Variants in KLHL29 observed in about 807,000 individuals in gnomAD.
KLHL29 encodes kelch-like protein 29.
A neutral mutation model predicts 80.4 loss-of-function variants in KLHL29; 21 were observed. That is an observed-to-expected ratio of 0.26 (90% CI 0.19 to 0.38). KLHL29 has a LOEUF of 0.38. Ranked by LOEUF, KLHL29 falls within the 10% of genes least tolerant of loss-of-function variation. The pLI is 1.00. For synonymous variants in KLHL29, 511 were observed against 526.8 expected (o/e 0.97, Z 0.41); for missense variants, 867 against 1,223.9 (o/e 0.71, Z 4.35).
intron 3 of KLHL29, among the ~76,000 whole-genome samples, chr2:23,619,891 A>G (rs1436810123): frequency 1.3e-5 from 2 of 152,168 alleles, no homozygotes; most frequent in African/African-American, 4.8e-5. Context: ...TCTGTCCTCC[A>G]AGGAATTCAT....
intron 2 of KLHL29, among the ~76,000 whole-genome samples, chr2:23,518,526 G>A (rs773497103): frequency 1.2e-4 from 18 of 152,094 alleles, no homozygotes; most frequent in Non-Finnish European, 2.2e-4. Context: ...TGCTACTTCC[G>A]TGGCCTAGAA....
intron 2 of KLHL29, among the ~76,000 whole-genome samples, chr2:23,477,972 G>C (rs538247307): frequency 6.6e-6 from 1 of 152,088 alleles, no homozygotes. Context: ...TCTCTTGTTC[G>C]TCCTGAGCTC....
chr2:23,504,242 G>T (rs1184701176), intron 2 of KLHL29, among the ~76,000 whole-genome samples: 1 of 152,190 alleles, frequency 6.6e-6, no homozygotes, highest in African/African-American at 2.4e-5. Flanking sequence ...ATTAATATTT[G>T]TGCTTAAAGA....
At chr2:23,566,839 C>T (rs750524090) in intron 3 of KLHL29, among the ~76,000 whole-genome samples, 3 of 152,310 alleles carry the variant, frequency 2.0e-5, no homozygotes, top group South Asian at 4.1e-4. Flanking sequence ...GGTAAGCACT[C>T]GATAAAAGTT....
chr2:23,479,263 C>A (rs1220559714), intron 2 of KLHL29, among the ~76,000 whole-genome samples: 6 of 151,764 alleles, frequency 4.0e-5, no homozygotes, highest in Non-Finnish European at 5.9e-5. Context: ...GGGCCCAGAT[C>A]CCTCAACAGA....
intron 2 of KLHL29, among the ~76,000 whole-genome samples, chr2:23,511,488 A>T (rs2103462413): frequency 6.6e-6 from 1 of 152,328 alleles, no homozygotes; most frequent in Non-Finnish European, 1.5e-5. Context: ...TTAGGGAAGC[A>T]GTCCCTGGAA....
At chr2:23,402,224 G>A (rs1005617719) in intron 1 of KLHL29, among the ~76,000 whole-genome samples, 1 of 152,268 alleles carries the variant, frequency 6.6e-6, no homozygotes, top group Non-Finnish European at 1.5e-5. Flanking sequence ...ACACTGTCCC[G>A]GGTGGAAAAT....
chr2:23,539,632 G>A lies in KLHL29; in HGVS notation c.-45-22520G>A, dbSNP rs113941915. Reference sequence around the variant, plus strand: ...ATTTTTGTATTTTTTTTAAGAGATGGGGTCTCACTATGTTGCCTAGGCTGG... The same window carrying A: ...ATTTTTGTATTTTTTTTAAGAGATGAGGTCTCACTATGTTGCCTAGGCTGG... On this transcript the variant is annotated intron_variant, in intron 2 of 13. Transcript: ENST00000486442. 1.6e-3 allele frequency among the ~76,000 whole-genome samples: 248 copies of A among 151,556 alleles called. 1 individual carries two copies. The highest frequency in any genetic ancestry group is 5.6e-3 in the African/African-American group (230 of 41,326).
At chr2:23,583,440 A>T in intron 3 of KLHL29, among the ~76,000 whole-genome samples, 1 of 152,180 alleles carries the variant, frequency 6.6e-6, no homozygotes, top group East Asian at 1.9e-4. Context: ...GGTGTCGAAA[A>T]ATGTTTCTAC....
At chr2:23,594,436 T>G (rs1417215860) in intron 3 of KLHL29, among the ~76,000 whole-genome samples, 2 of 151,984 alleles carry the variant, frequency 1.3e-5, no homozygotes, top group Admixed American at 1.3e-4. Context: ...TCCCAGACAC[T>G]CAGGAGCTCA....
intron 1 of KLHL29, among the ~76,000 whole-genome samples, chr2:23,458,564 A>T (rs1407894387): frequency 6.6e-6 from 1 of 152,128 alleles, no homozygotes; most frequent in Non-Finnish European, 1.5e-5. Flanking sequence ...TATAATCACA[A>T]ACATAAATTA....
chr2:23,398,335 T>A (rs1224085644), intron 1 of KLHL29, among the ~76,000 whole-genome samples: 1 of 152,258 alleles, frequency 6.6e-6, no homozygotes, highest in African/African-American at 2.4e-5. Context: ...TTGAAGACGT[T>A]ATACTAAGTG....
At chr2:23,547,135 C>T (rs1666998925) in intron 2 of KLHL29, among the ~76,000 whole-genome samples, 1 of 152,230 alleles carries the variant, frequency 6.6e-6, no homozygotes, top group Non-Finnish European at 1.5e-5. Context: ...CGGAGGCTGT[C>T]TCTGCCCGTT....
chr2:23,608,983 CA>C (rs1410761326), intron 3 of KLHL29, among the ~76,000 whole-genome samples: 1 of 152,174 alleles, frequency 6.6e-6, no homozygotes, highest in Non-Finnish European at 1.5e-5. Flanking sequence ...AGGATAATTA[CA>C]ATGGAGGTTT....
chr2:23,467,658 G>C (rs1353007258), intron 1 of KLHL29, among the ~76,000 whole-genome samples: 3 of 152,186 alleles, frequency 2.0e-5, no homozygotes, highest in Non-Finnish European at 2.9e-5. Flanking sequence ...GTAGGCTTGG[G>C]CTCAAAGGAA....
chr2:23,397,962 G>T (rs1034517618), intron 1 of KLHL29, among the ~76,000 whole-genome samples: 2 of 150,034 alleles, frequency 1.3e-5, no homozygotes, highest in African/African-American at 4.8e-5. Flanking sequence ...AAAATAACAA[G>T]TGTTGGTGAG....
Position 23,695,648 on chromosome 2 carries a change from T to G in KLHL29, c.1568T>G (p.Val523Gly). Residue 523 changes from valine to glycine, a missense_variant, in exon 9 of 14, where the codon GTC (valine) becomes GGC (glycine). Val to Gly is a moderately radical substitution (Grantham distance 109, BLOSUM62 -3). Coordinates refer to ENST00000486442, the MANE Select transcript of KLHL29 (RefSeq NM_052920.2). This position sits in a 1 kb window ranked among gnomAD's most constrained non-coding sequence, Gnocchi z 7.6. ...TACGCGGCTGAGCTCCTGGCCGTGG[T>G]CCGCCTCCCCTTCATCCACCCCAGC... is the stretch of plus-strand genomic sequence containing the variant. ...TQYAAELLAV[V>G]RLPFIHPSYL... 1 of 1,551,290 alleles carries G rather than the reference T, an allele frequency of 6.4e-7. No homozygotes were observed. Among genetic ancestry groups the G allele is most frequent in the Non-Finnish European group, 8.7e-7 (1 of 1,146,836 alleles).
At chr2:23,560,041 C>T (rs1667409530) in intron 2 of KLHL29, among the ~76,000 whole-genome samples, 1 of 152,136 alleles carries the variant, frequency 6.6e-6, no homozygotes, top group African/African-American at 2.4e-5. Flanking sequence ...GCATAAATGT[C>T]CCCTTGGATT....
intron 1 of KLHL29, among the ~76,000 whole-genome samples, chr2:23,396,551 T>A (rs977230200): frequency 1.3e-5 from 2 of 152,184 alleles, no homozygotes; most frequent in Non-Finnish European, 2.9e-5. Flanking sequence ...ATACCTCATT[T>A]GGAAGCTGGG....
Sources: allele counts gnomAD v4.1 joint callset (sites outside exome capture counted in the v4.1 genomes callset), GRCh38; gene constraint gnomAD v4.1.1; non-coding constraint Gnocchi (gnomAD v3.1); transcripts MANE v1.5; gene names NCBI Gene and HGNC (gene_info 2026-07-23, HGNC 2026-07-21).